The following RPGRIP1 variants were observed in gnomAD, a reference collection of about 807,000 sequenced individuals.
RPGRIP1 encodes RPGR interacting protein 1, also known as X-linked retinitis pigmentosa GTPase regulator-interacting protein 1.
Under a neutral mutation model 157.9 loss-of-function variants are expected in RPGRIP1, and 128 were observed. That is an observed-to-expected ratio of 0.81 (90% CI 0.70 to 0.94). The LOEUF (loss-of-function observed/expected upper bound fraction) is 0.94. Among genes scored for constraint, RPGRIP1 ranks in the 40% least tolerant of loss-of-function variants. The pLI is 0.00. For synonymous variants in RPGRIP1, 554 were observed against 571.6 expected, an observed-to-expected ratio of 0.97 and a Z score of 0.44; for missense variants, 1,486 against 1,545.8, an observed-to-expected ratio of 0.96 and a Z score of 0.65.
rs750589032 is a variant in RPGRIP1, at chr14:21,301,076, G to A, written c.329G>A (p.Arg110Gln). Residue 110 changes from arginine (R) to glutamine (Q), a missense_variant, in exon 4 of 25, where the codon CGG becomes CAG. Physicochemically the swap from Arg to Gln is conservative, Grantham distance 43. Coordinates refer to ENST00000400017, the MANE Select transcript of RPGRIP1 (RefSeq NM_020366.4). ...AGGCGCGGGCAGAAGGCGGGATGGC[G>A]GCAGCGCCTCTCCATGCACCAGCGC... ...TARRGQKAGW[R>Q]QRLSMHQRPQ... The A allele has an allele frequency of 3.1e-6, 5 of 1,612,698 alleles. No homozygotes were observed. Among genetic ancestry groups the A allele is most frequent in the South Asian group, 2.2e-5 (2 of 91,032 alleles).
At position 21,301,074 on chromosome 14, in the gene RPGRIP1, G is replaced by C; in HGVS notation, c.327G>C (p.Trp109Cys). The C allele has an allele frequency of 3.1e-6, 5 of 1,612,666 alleles. No individual in the cohort carries two copies. Among genetic ancestry groups the C allele is most frequent in the Non-Finnish European group, 4.2e-6 (5 of 1,179,438 alleles). ...ETARRGQKAG[W>C]RQRLSMHQRP... is the part of the protein sequence containing the mutation. The stretch of plus-strand genomic sequence containing the variant: ...CAAGGCGCGGGCAGAAGGCGGGATG[G>C]CGGCAGCGCCTCTCCATGCACCAGC... Residue 109 changes from tryptophan (W) to cysteine (C), a missense_variant, in exon 4 of 25, where the codon TGG (tryptophan) becomes TGC (cysteine). Physicochemically the swap from Trp to Cys is radical, Grantham distance 215 (BLOSUM62 -2). Transcript: ENST00000400017.
rs1885252121 is a variant in RPGRIP1, at chr14:21,343,684, G to A, written c.3532+456G>A. Among the ~76,000 whole-genome samples, 13 of 151,802 alleles carry A rather than the reference G, an allele frequency of 8.6e-5. 2 individuals carry two copies. In the South Asian group the frequency reaches 2.7e-3, roughly 32 times the overall value. On this transcript the variant is annotated intron_variant, in intron 22 of 24. Transcript: ENST00000400017. ...TTTTTGTGTTTTTAGTAGAGGCGGG[G>A]TTTCACCATTTTGGCCAGGCTGGTC...
intron 17 of RPGRIP1, among the ~76,000 whole-genome samples, chr14:21,326,496 A>T (rs973555140): frequency 1.3e-5 from 2 of 152,006 alleles, no homozygotes; most frequent in Non-Finnish European, 2.9e-5. Context: ...TGCCCAGGCT[A>T]GTAGCTGGGA....
intron 2 of RPGRIP1, among the ~76,000 whole-genome samples, chr14:21,293,028 C>T (rs1453031843): frequency 6.6e-6 from 1 of 151,816 alleles, no homozygotes; most frequent in Non-Finnish European, 1.5e-5. Flanking sequence ...TGCCTGTAAT[C>T]TCAGCTACTT....
At chr14:21,328,342 C>T (rs1883335405) in intron 18 of RPGRIP1, 82 bp from the exon 19 acceptor site, 1 of 988,216 alleles carries the variant, frequency 1.0e-6, no homozygotes, top group South Asian at 1.6e-5. Flanking sequence ...TGAAGTCTAA[C>T]ACTAGTTCCC....
chr14:21,298,713 G>A (rs954526498), intron 3 of RPGRIP1, among the ~76,000 whole-genome samples: 4 of 151,838 alleles, frequency 2.6e-5, no homozygotes, highest in African/African-American at 9.7e-5. Context: ...AAGCCAAGGC[G>A]GGTAGATCAC....
In RPGRIP1 at chr14:21,321,930, G is replaced by C. The variant is rs145055116; in HGVS notation, c.1688G>C (p.Arg563Pro). The change falls in exon 14 of 25, where the codon CGA becomes CCA. Residue 563 changes from arginine (R) to proline (P), a missense_variant. Arg to Pro is a moderately radical substitution (Grantham distance 103). Transcript: ENST00000400017. ...AAAGAAAAGCTGGAGAGGTTGACTC[G>C]ACTACTAGACCTCAAGAATAACCGT... ...DHKEKLERLT[R>P]LLDLKNNRIK... 1.2e-6 allele frequency: 2 copies of C among 1,613,536 alleles called. No homozygotes were observed. Among genetic ancestry groups the C allele is most frequent in the East Asian group, 2.2e-5 (1 of 44,876 alleles).
At position 21,334,614 on chromosome 14, in the gene RPGRIP1, C is replaced by T. The variant is rs751421999; in HGVS notation, c.3248C>T (p.Ser1083Phe). 3 of 1,604,950 alleles carry T rather than the reference C, an allele frequency of 1.9e-6. No homozygotes were observed. The East Asian group carries it at 6.7e-5, about 36-fold the overall frequency. Residue 1083 changes from serine (S) to phenylalanine (F), a missense_variant, in exon 21 of 25, where the codon TCC becomes TTC. Physicochemically the swap from Ser to Phe is radical, Grantham distance 155. Coordinates refer to ENST00000400017, the MANE Select transcript of RPGRIP1 (RefSeq NM_020366.4). ...ACCTCTTCTCTAGCAGACAAAGAAT[C>T]CTCTGAACAAGGTTCTGAAGTCAGT... ...EPLHPVNDKE[S>F]SEQGSEVSEA...
At chr14:21,322,625 C>G (rs1882626250) in intron 14 of RPGRIP1, among the ~76,000 whole-genome samples, 1 of 150,714 alleles carries the variant, frequency 6.6e-6, no homozygotes, top group South Asian at 2.1e-4. Flanking sequence ...AACACACAAT[C>G]TCTCTCTCTC....
chr14:21,304,442 A>T (rs1258866842), intron 6 of RPGRIP1, among the ~76,000 whole-genome samples: 1 of 150,804 alleles, frequency 6.6e-6, no homozygotes, highest in Non-Finnish European at 1.5e-5. Context: ...AAAGAAAGAA[A>T]GAAATTAACC....
intron 1 of RPGRIP1, among the ~76,000 whole-genome samples, chr14:21,282,697 C>T (rs1376229950): frequency 2.0e-5 from 3 of 149,686 alleles, no homozygotes; most frequent in African/African-American, 7.4e-5. Flanking sequence ...GCAAGCTCCG[C>T]CTCCCAGGTT....
At chr14:21,295,202 A>G (rs2139145845) in intron 3 of RPGRIP1, among the ~76,000 whole-genome samples, 1 of 152,164 alleles carries the variant, frequency 6.6e-6, no homozygotes, top group South Asian at 2.1e-4. Context: ...ACATGTCGAT[A>G]GACTGTGACC....
rs67535379 is a variant in RPGRIP1, at chr14:21,343,866, G to GTTTTTTTTTTTTTTTTTT, written c.3532+662_3532+679dup. Among the ~76,000 whole-genome samples, 4 of 50,438 alleles carry GTTTTTTTTTTTTTTTTTT rather than the reference G, an allele frequency of 7.9e-5. 1 individual carries two copies. The highest frequency in any genetic ancestry group is 1.4e-4 in the Non-Finnish European group (4 of 27,770). 33.1% of individuals were successfully genotyped at this position (50,438 alleles called of 152,430 possible). ...TGATTTTTGTTCTTCCTCTTTTCCT[G>GTTTTTTTTTTTTTTTTTT]TTTTTTTTTTTTTTTTTTTTTTTTT... On this transcript the variant is annotated intron_variant, in intron 22 of 24. Transcript: ENST00000400017.
rs770933786 is a variant in RPGRIP1, at chr14:21,294,732, G to A, written c.141G>A (p.Glu47=). The A allele has an allele frequency of 1.2e-5, 19 of 1,612,454 alleles. 1 individual carries two copies. The highest frequency in any genetic ancestry group is 6.7e-5 in the Admixed American group (4 of 59,876). Residue 47 remains glutamate (E), a synonymous_variant, in exon 3 of 25, where the codon GAG becomes GAA. Transcript: ENST00000400017. Reference sequence around the variant, plus strand: ...GCAGGATGAACCGGGAGGAATTGGAGGACAGTTTCTTTCGACTTCGCGAAG... The same window carrying A: ...GCAGGATGAACCGGGAGGAATTGGAAGACAGTTTCTTTCGACTTCGCGAAG... ...PLSRMNREEL[E]DSFFRLREDH...
chr14:21,330,435 GA>G, intron 20 of RPGRIP1, 48 bp downstream of exon 20: 2 of 1,303,754 alleles, frequency 1.5e-6, no homozygotes. Flanking sequence ...TTGGGAGGCC[GA>G]GGTGGGCAGA....
intron 1 of RPGRIP1, among the ~76,000 whole-genome samples, chr14:21,280,555 C>A (rs1880091250): frequency 6.6e-6 from 1 of 152,000 alleles, no homozygotes; most frequent in Non-Finnish European, 1.5e-5. Context: ...CTGGTTTATT[C>A]ATTTTCTATT....
At chr14:21,289,826 A>G (rs1880449636) in intron 2 of RPGRIP1, among the ~76,000 whole-genome samples, 1 of 151,996 alleles carries the variant, frequency 6.6e-6, no homozygotes, top group Non-Finnish European at 1.5e-5. Context: ...ACTCTTGCCC[A>G]TATATACCAG....
At chr14:21,320,742 G>A (rs1882364420) in intron 12 of RPGRIP1, among the ~76,000 whole-genome samples, 1 of 151,742 alleles carries the variant, frequency 6.6e-6, no homozygotes, top group Non-Finnish European at 1.5e-5. Flanking sequence ...TGGGATTACA[G>A]GTGCTTGCCA....
chr14:21,337,264 C>T (rs1405996565), intron 21 of RPGRIP1, among the ~76,000 whole-genome samples: 3 of 152,022 alleles, frequency 2.0e-5, no homozygotes, highest in African/African-American at 7.2e-5. Flanking sequence ...GGCCTTGTCT[C>T]CTTATCTGTA....
Sources: gnomAD v4.1 joint callset for allele counts (sites outside exome capture counted in the v4.1 genomes callset) on GRCh38, gnomAD v4.1.1 for gene constraint, MANE v1.5 for transcripts, NCBI Gene and HGNC (gene_info 2026-07-23, HGNC 2026-07-21) for gene names.